The following CNTN6 variants were observed in gnomAD, a reference collection of about 807,000 sequenced individuals.
CNTN6 encodes the protein contactin 6.
In CNTN6, 137 loss-of-function variants were observed where a neutral mutation model predicts 122.8. The observed-to-expected ratio is 1.12, with a 90% CI of 0.97 to 1.29. The LOEUF is 1.29. Among genes scored for constraint, CNTN6 ranks in the 50% most tolerant of loss-of-function variants. CNTN6 has a pLI of 0.00. For missense variants in CNTN6, 1,634 were observed against 1,223.4 expected (o/e 1.34, Z -5.01); for synonymous variants, 570 against 426.0 (o/e 1.34, Z -4.16).
intron 20 of CNTN6, among the ~76,000 whole-genome samples, chr3:1,391,827 A>G (rs1317666689): frequency 1.3e-5 from 2 of 151,766 alleles, no homozygotes; most frequent in African/African-American, 2.4e-5. Context: ...AGAATAAAAT[A>G]CCTAGGAATC....
intron 2 of CNTN6, among the ~76,000 whole-genome samples, chr3:1,178,901 T>C (rs757416236): frequency 2.0e-5 from 3 of 152,152 alleles, no homozygotes; most frequent in Non-Finnish European, 4.4e-5. Flanking sequence ...CTCTTCACAC[T>C]GCAACTCTCT....
chr3:1,311,643 C>G (rs1699337076), intron 7 of CNTN6, among the ~76,000 whole-genome samples: 1 of 150,306 alleles, frequency 6.7e-6, no homozygotes. Context: ...AAAATATAGG[C>G]AAGAAAAAAG....
chr3:1,225,573 A>G (rs2094270586), intron 3 of CNTN6, among the ~76,000 whole-genome samples: 1 of 152,222 alleles, frequency 6.6e-6, no homozygotes, highest in African/African-American at 2.4e-5. Flanking sequence ...TATGCTTTGA[A>G]AACGATAGGG....
rs34097115 is a variant in CNTN6, at chr3:1,397,317, G to A, written c.2705-4116G>A. 6.7e-3 allele frequency among the ~76,000 whole-genome samples: 1,013 copies of A among 152,176 alleles called. 3 individuals carry two copies. Among genetic ancestry groups the A allele is most frequent in the Non-Finnish European group, 0.01 (682 of 67,982 alleles). On this transcript the variant is annotated intron_variant, in intron 20 of 22. Transcript: ENST00000446702. ...GATGTACATAAGGAGCATCTATATG[G>A]GATAGGCTATGTATTTTGATACAAA...
chr3:1,236,103 A>G (rs899010342), intron 4 of CNTN6, among the ~76,000 whole-genome samples: 1 of 152,040 alleles, frequency 6.6e-6, no homozygotes, highest in African/African-American at 2.4e-5. Flanking sequence ...CCTTATCCCT[A>G]TCCCAGTCTG....
chr3:1,238,056 A>G (rs1388602687), intron 4 of CNTN6, among the ~76,000 whole-genome samples: 1 of 152,172 alleles, frequency 6.6e-6, no homozygotes, highest in Non-Finnish European at 1.5e-5. Flanking sequence ...AGGCAACAAA[A>G]TAGCACGGTG....
chr3:1,355,512 T>C (rs1050321314), intron 12 of CNTN6, among the ~76,000 whole-genome samples: 4 of 151,736 alleles, frequency 2.6e-5, no homozygotes, highest in South Asian at 2.1e-4. Flanking sequence ...ATTATAATAG[T>C]GTACATCAAT....
intron 4 of CNTN6, among the ~76,000 whole-genome samples, chr3:1,252,164 A>G (rs926700708): frequency 1.3e-5 from 2 of 152,180 alleles, no homozygotes; most frequent in African/African-American, 4.8e-5. Context: ...CTTCTTAAAC[A>G]TTGCCTAGCT....
intron 1 of CNTN6, among the ~76,000 whole-genome samples, chr3:1,126,373 A>G (rs1356096952): frequency 1.3e-5 from 2 of 151,852 alleles, no homozygotes; most frequent in East Asian, 3.9e-4. Flanking sequence ...TTGTCTTGCC[A>G]TGTAGAATGG....
intron 5 of CNTN6, among the ~76,000 whole-genome samples, chr3:1,280,459 A>ATGTTTTTTTTTTTTTTTTTTTTTTTTTT (rs1693174891): frequency 1.5e-5 from 1 of 66,652 alleles, no homozygotes; most frequent in Non-Finnish European, 2.7e-5. Flanking sequence ...TGTAATACCA[A>ATGTTTTTTTTTTTTTTTTTTTTTTTTTT]TTTTTTTTTT....
intron 4 of CNTN6, among the ~76,000 whole-genome samples, chr3:1,231,065 C>T (rs1031019802): frequency 6.6e-6 from 1 of 152,166 alleles, no homozygotes; most frequent in African/African-American, 2.4e-5. Context: ...GCTGCAACAC[C>T]TTAATTAGCT....
At chr3:1,142,484 C>T (rs1302793992) in intron 1 of CNTN6, among the ~76,000 whole-genome samples, 5 of 152,110 alleles carry the variant, frequency 3.3e-5, no homozygotes, top group Admixed American at 2.0e-4. Context: ...TACGTATACA[C>T]TGAATTAGAA....
rs1432396670 is a variant in CNTN6 at position 1,324,778 on chromosome 3, T to G, written c.947-1037T>G. The stretch of plus-strand genomic sequence containing the variant: ...GGGCTAACATTCTCAAATGAACATG[T>G]GGAACTCAAGCCCTTTACTTAGGTT... On this transcript the variant is annotated intron_variant, in intron 8 of 22. Coordinates refer to ENST00000446702, the MANE Select transcript of CNTN6 (RefSeq NM_001289080.2). 3.3e-5 allele frequency among the ~76,000 whole-genome samples: 5 copies of G among 149,762 alleles called. 1 individual carries two copies. The highest frequency in any genetic ancestry group is 1.3e-4 in the African/African-American group (5 of 39,376).
chr3:1,366,931 T>C (rs1708317692), intron 12 of CNTN6, among the ~76,000 whole-genome samples: 1 of 152,192 alleles, frequency 6.6e-6, no homozygotes, highest in South Asian at 2.1e-4. Context: ...ACAGTCTATT[T>C]TTCACACTGC....
chr3:1,383,075 G>A lies in CNTN6; in HGVS notation c.2300G>A (p.Ser767Asn), dbSNP rs1447358402. Residue 767 changes from serine to asparagine, a missense_variant, in exon 18 of 23, where the codon AGC (serine) becomes AAC (asparagine). Coordinates refer to ENST00000446702, the MANE Select transcript of CNTN6 (RefSeq NM_001289080.2). ...ESSRFVYRNE[S>N]IIPLSPFEVK... is the part of the protein sequence containing the mutation. ...TCAAGGTTTGTCTACAGAAATGAAA[G>A]CATCATCCCACTGTCTCCCTTTGAA... 6.2e-7 allele frequency: 1 copy of A among 1,613,998 alleles called. No homozygotes were observed. The highest frequency in any genetic ancestry group is 1.3e-5 in the African/African-American group (1 of 75,024).
chr3:1,158,991 G>A (rs1316345735), intron 2 of CNTN6, among the ~76,000 whole-genome samples: 1 of 135,536 alleles, frequency 7.4e-6, no homozygotes, highest in African/African-American at 2.9e-5. Context: ...TATAGACAAG[G>A]TCTTGCTAAT....
At chr3:1,162,664 CA>C (rs1267391638) in intron 2 of CNTN6, among the ~76,000 whole-genome samples, 6 of 152,170 alleles carry the variant, frequency 3.9e-5, no homozygotes, top group Non-Finnish European at 8.8e-5. Context: ...GATGATTTGT[CA>C]AATGATTTGT....
intron 7 of CNTN6, among the ~76,000 whole-genome samples, chr3:1,318,996 A>G (rs1482170467): frequency 6.6e-6 from 1 of 151,236 alleles, no homozygotes; most frequent in Non-Finnish European, 1.5e-5. Flanking sequence ...TAAATAGGAG[A>G]CTCCATTTCT....
At chr3:1,134,187 G>A (rs1001161763) in intron 1 of CNTN6, among the ~76,000 whole-genome samples, 1 of 152,108 alleles carries the variant, frequency 6.6e-6, no homozygotes, top group Admixed American at 6.6e-5. Flanking sequence ...ATATTACTTG[G>A]AAGTCGGCCT....
Sources: gnomAD v4.1 joint callset for allele counts (sites outside exome capture counted in the v4.1 genomes callset) on GRCh38, gnomAD v4.1.1 for gene constraint, MANE v1.5 for transcripts, NCBI Gene and HGNC (gene_info 2026-07-23, HGNC 2026-07-21) for gene names.